ST6GALNAC5: variants seen among roughly 807,000 people sequenced by gnomAD.
ST6GALNAC5 encodes ST6 N-acetylgalactosaminide alpha-2,6-sialyltransferase 5, also known as alpha-N-acetylgalactosaminide alpha-2,6-sialyltransferase 5.
A neutral mutation model predicts 33.6 loss-of-function variants in ST6GALNAC5; 27 were observed. The ratio of observed to expected loss-of-function variants is 0.80; its 90% CI spans 0.59 to 1.11. ST6GALNAC5 has a LOEUF of 1.11. Among genes scored for constraint, ST6GALNAC5 ranks in the 50% least tolerant of loss-of-function variants. ST6GALNAC5 has a pLI of 0.00. For missense variants in ST6GALNAC5, 428 were observed against 454.0 expected, an observed-to-expected ratio of 0.94 and a Z score of 0.52; for synonymous variants, 194 against 171.2, an observed-to-expected ratio of 1.13 and a Z score of -1.04.
At chr1:76,951,510 G>A (rs1034894577) in intron 2 of ST6GALNAC5, among the ~76,000 whole-genome samples, 4 of 152,150 alleles carry the variant, frequency 2.6e-5, no homozygotes, top group Admixed American at 1.3e-4. Context: ...GGGGAGGGAT[G>A]GCATTAGGAG....
chr1:77,011,666 T>C (rs1250275793), intron 2 of ST6GALNAC5, among the ~76,000 whole-genome samples: 1 of 152,132 alleles, frequency 6.6e-6, no homozygotes, highest in Non-Finnish European at 1.5e-5. Context: ...ATGTAGTATG[T>C]AGTACAACAT....
At chr1:77,026,934 A>G (rs1651262377) in intron 2 of ST6GALNAC5, among the ~76,000 whole-genome samples, 1 of 152,234 alleles carries the variant, frequency 6.6e-6, no homozygotes, top group Non-Finnish European at 1.5e-5. Context: ...AGAGCAAGGC[A>G]GGCACTGCGC....
intron 2 of ST6GALNAC5, among the ~76,000 whole-genome samples, chr1:77,017,119 T>C (rs1460386776): frequency 6.7e-6 from 1 of 149,622 alleles, no homozygotes; most frequent in Non-Finnish European, 1.5e-5. Flanking sequence ...CAGTCCAAGC[T>C]TGTGTTTCAG....
intron 2 of ST6GALNAC5, among the ~76,000 whole-genome samples, chr1:76,915,834 A>G (rs935004432): frequency 3.3e-5 from 5 of 150,976 alleles, no homozygotes; most frequent in Admixed American, 6.6e-5. Context: ...CCAAAAACTT[A>G]AAGTACAATA....
intron 2 of ST6GALNAC5, among the ~76,000 whole-genome samples, chr1:76,918,812 T>C (rs1647002737): frequency 6.6e-6 from 1 of 151,982 alleles, no homozygotes; most frequent in African/African-American, 2.4e-5. Flanking sequence ...CAGGCACGCA[T>C]AGAGTTTCAA....
intron 2 of ST6GALNAC5, among the ~76,000 whole-genome samples, chr1:76,878,077 G>A (rs1341295562): frequency 6.6e-6 from 1 of 152,156 alleles, no homozygotes; most frequent in Non-Finnish European, 1.5e-5. Flanking sequence ...GGCGAAATGG[G>A]AGAGTTGAAC....
chr1:77,060,300 C>T (rs1652533990), intron 4 of ST6GALNAC5: 2 of 152,154 alleles, frequency 1.3e-5, no homozygotes, highest in African/African-American at 4.8e-5. Flanking sequence ...ATTCCTTTTA[C>T]AACTGCTTCC....
At chr1:77,016,061 AC>A (rs978014684) in intron 2 of ST6GALNAC5, among the ~76,000 whole-genome samples, 1 of 103,106 alleles carries the variant, frequency 9.7e-6, no homozygotes, top group Non-Finnish European at 2.0e-5. Flanking sequence ...TCCTTCATCT[AC>A]CCCCACATCC....
At chr1:76,983,147 A>C (rs1034400915) in intron 2 of ST6GALNAC5, among the ~76,000 whole-genome samples, 1 of 152,188 alleles carries the variant, frequency 6.6e-6, no homozygotes, top group African/African-American at 2.4e-5. Context: ...ACAGGATCAA[A>C]TTCACACATA....
At chr1:77,051,568 G>A (rs1652220679) in intron 4 of ST6GALNAC5, among the ~76,000 whole-genome samples, 1 of 152,238 alleles carries the variant, frequency 6.6e-6, no homozygotes, top group Middle Eastern at 3.4e-3. Flanking sequence ...TGCCTCAAAG[G>A]GCTGTAGGCA....
chr1:77,029,543 G>A (rs971192950), intron 2 of ST6GALNAC5, among the ~76,000 whole-genome samples: 1 of 152,218 alleles, frequency 6.6e-6, no homozygotes, highest in African/African-American at 2.4e-5. Context: ...TGTTCCATTA[G>A]GAGGCACAGG....
intron 2 of ST6GALNAC5, among the ~76,000 whole-genome samples, chr1:77,026,667 A>C (rs1557766198): frequency 6.6e-6 from 1 of 152,240 alleles, no homozygotes; most frequent in Non-Finnish European, 1.5e-5. Flanking sequence ...ATTGATTTAC[A>C]GTCCATCTTC....
At chr1:76,892,601 C>T (rs1654037315) in intron 2 of ST6GALNAC5, among the ~76,000 whole-genome samples, 1 of 152,288 alleles carries the variant, frequency 6.6e-6, no homozygotes, top group Non-Finnish European at 1.5e-5. Flanking sequence ...TTAAATAAAA[C>T]ATTGCATGTC....
intron 2 of ST6GALNAC5, among the ~76,000 whole-genome samples, chr1:77,010,307 C>A (rs1650585129): frequency 6.6e-6 from 1 of 152,046 alleles, no homozygotes. Context: ...CCAGCCTGAC[C>A]AACATGGTGA....
intron 2 of ST6GALNAC5, among the ~76,000 whole-genome samples, chr1:76,875,598 T>C (rs1653620506): frequency 1.3e-5 from 2 of 152,098 alleles, no homozygotes; most frequent in African/African-American, 4.8e-5. Flanking sequence ...GCAGCGTTCC[T>C]CTCTCTGGAG....
At chr1:76,914,135 A>G (rs1167774357) in intron 2 of ST6GALNAC5, among the ~76,000 whole-genome samples, 1 of 152,210 alleles carries the variant, frequency 6.6e-6, no homozygotes, top group African/African-American at 2.4e-5. Flanking sequence ...CTTACAAGGG[A>G]CATGAAGGAC....
chr1:77,064,298 C>A lies in ST6GALNAC5; in HGVS notation c.*1092C>A, dbSNP rs1652702406. On this transcript the variant is annotated 3_prime_UTR_variant, in exon 5 of 5. Coordinates refer to ENST00000477717, the MANE Select transcript of ST6GALNAC5 (RefSeq NM_030965.3). Reference sequence around the variant, plus strand: ...ATCTACATTCATATTACTTATATCACTCTTGTGGTTAAAACTACACTTCTT... The same window carrying A: ...ATCTACATTCATATTACTTATATCAATCTTGTGGTTAAAACTACACTTCTT... 1.3e-5 allele frequency: 2 copies of A among 152,056 alleles called. No homozygotes were observed. Among genetic ancestry groups the A allele is most frequent in the African/African-American group, 4.8e-5 (2 of 41,408 alleles). The allele number at this position is 152,056 out of a possible 1,614,324, so 9.4% of individuals were successfully genotyped here. A position where few individuals can be genotyped will look rare whatever the true frequency, so the allele number is the denominator to read the frequency against.
In ST6GALNAC5 at chr1:77,064,479, C is replaced by T. The variant is rs1047052016; in HGVS notation, c.*1273C>T. On this transcript the variant is annotated 3_prime_UTR_variant, in exon 5 of 5. Transcript: ENST00000477717. The stretch of plus-strand genomic sequence containing the variant: ...GGGGTTCCCTGGCTACAATAGCAAA[C>T]AGCTGCCCTTCTGTGAGGAAAAGAG... 1 of 152,072 alleles carries T rather than the reference C, an allele frequency of 6.6e-6. No individual in the cohort carries two copies. Among genetic ancestry groups the T allele is most frequent in the African/African-American group, 2.4e-5 (1 of 41,358 alleles). The allele number at this position is 152,072 out of a possible 1,614,324, so 9.4% of individuals were successfully genotyped here. A position where few individuals can be genotyped will look rare whatever the true frequency, so the allele number is the denominator to read the frequency against.
At chr1:77,041,785 A>G (rs894286261) in intron 2 of ST6GALNAC5, among the ~76,000 whole-genome samples, 1 of 152,186 alleles carries the variant, frequency 6.6e-6, no homozygotes, top group Non-Finnish European at 1.5e-5. Flanking sequence ...AGATGAATCT[A>G]TTTCAAATGA....
Sources: gnomAD v4.1 joint callset for allele counts (sites outside exome capture counted in the v4.1 genomes callset) on GRCh38, gnomAD v4.1.1 for gene constraint, MANE v1.5 for transcripts, NCBI Gene and HGNC (gene_info 2026-07-23, HGNC 2026-07-21) for gene names.